Variants in PRP4K observed in about 807,000 individuals in gnomAD.
PRP4K encodes pre-mRNA processing factor kinase PRP4K.
At chr6:4,043,562 G>A in the PRP4K span, among the ~76,000 whole-genome samples, 3 of 152,116 alleles carry the variant, frequency 2.0e-5, no homozygotes, top group Non-Finnish European at 4.4e-5. Flanking sequence ...AATAAATGGT[G>A]CCTCATCTGA....
chr6:4,021,559 CGA>C, the PRP4K span: 2 of 1,514,248 alleles, frequency 1.3e-6, no homozygotes, highest in South Asian at 1.2e-5. Flanking sequence ...GGCCTAACGG[CGA>C]GAGTCAAACT....
At chr6:4,051,903 G>C in the PRP4K span, 1 of 1,162,932 alleles carries the variant, frequency 8.6e-7, no homozygotes, top group Non-Finnish European at 1.2e-6. Flanking sequence ...ATTATTTAGT[G>C]CTCCTAAATT....
the PRP4K span, chr6:4,021,340 A>C: frequency 1.3e-6 from 2 of 1,533,904 alleles, no homozygotes; most frequent in Non-Finnish European, 1.8e-6. Context: ...CATGCGCGGC[A>C]GCTCTTTTCC....
chr6:4,037,489 G>A, the PRP4K span: 1 of 1,614,058 alleles, frequency 6.2e-7, no homozygotes, highest in East Asian at 2.2e-5. Flanking sequence ...AGAAGAAGTA[G>A]ATCTCCCATT....
At chr6:4,027,301 C>T in the PRP4K span, among the ~76,000 whole-genome samples, 4 of 152,202 alleles carry the variant, frequency 2.6e-5, no homozygotes, top group South Asian at 8.3e-4. Flanking sequence ...GTGTGACAGC[C>T]TTTTATACTA....
At chr6:4,060,924 G>A in the PRP4K span, 3 of 302,128 alleles carry the variant, frequency 9.9e-6, no homozygotes, top group Non-Finnish European at 1.9e-5. This position sits in a 1 kb window ranked among gnomAD's most constrained non-coding sequence, Gnocchi z 4.7. Flanking sequence ...GTAATATTGG[G>A]TGGTTGATTT....
At chr6:4,045,799 T>C in the PRP4K span, among the ~76,000 whole-genome samples, 1 of 152,228 alleles carries the variant, frequency 6.6e-6, no homozygotes, top group East Asian at 1.9e-4. Context: ...CTCTGTCTTT[T>C]AAAATCATTT....
At chr6:4,041,866 A>G in the PRP4K span, among the ~76,000 whole-genome samples, 1 of 152,266 alleles carries the variant, frequency 6.6e-6, no homozygotes. Flanking sequence ...AGATTCTGAT[A>G]GAATCAGAGT....
chr6:4,044,143 C>T, the PRP4K span: 1 of 801,542 alleles, frequency 1.2e-6, no homozygotes, highest in East Asian at 2.7e-5. Flanking sequence ...GTTGCTTCTG[C>T]TGAATATTGC....
At chr6:4,056,445 T>A in the PRP4K span, 2 of 1,612,792 alleles carry the variant, frequency 1.2e-6, no homozygotes, top group Admixed American at 3.3e-5. Flanking sequence ...AGTAAGTTTC[T>A]TAATGTTCTT....
chr6:4,062,398 T>C, the PRP4K span: 1 of 152,664 alleles, frequency 6.6e-6, no homozygotes, highest in Non-Finnish European at 1.5e-5. The surrounding 1 kb of genome is among the most constrained non-coding windows in gnomAD (Gnocchi z 4.2). Context: ...ATTTGTATTA[T>C]TAACATGGTA....
At chr6:4,051,099 A>G in the PRP4K span, among the ~76,000 whole-genome samples, 1 of 151,886 alleles carries the variant, frequency 6.6e-6, no homozygotes, top group Admixed American at 6.6e-5. Context: ...CACTAGAGAC[A>G]GGGTTTCGCC....
At chr6:4,063,594 A>G in the PRP4K span, 2 of 152,144 alleles carry the variant, frequency 1.3e-5, no homozygotes, top group African/African-American at 4.8e-5. Context: ...TAGACAAAAT[A>G]TTCAGAGCCA....
At chr6:4,021,775 C>CAA in the PRP4K span, among the ~76,000 whole-genome samples, 2 of 152,352 alleles carry the variant, frequency 1.3e-5, no homozygotes, top group African/African-American at 4.8e-5. Context: ...GTCGCGCTTT[C>CAA]CTATGCCTCT....
At chr6:4,021,618 C>A in the PRP4K span, 1 of 1,130,278 alleles carries the variant, frequency 8.8e-7, no homozygotes, top group South Asian at 1.5e-5. Flanking sequence ...GCATGGGGAG[C>A]AGGCGGCCTT....
chr6:4,023,344 C>A, the PRP4K span, among the ~76,000 whole-genome samples: 2 of 152,266 alleles, frequency 1.3e-5, no homozygotes, highest in African/African-American at 2.4e-5. Flanking sequence ...GAGGTAGATA[C>A]GTTTATTTTC....
the PRP4K span, among the ~76,000 whole-genome samples, chr6:4,025,593 T>C: frequency 3.3e-5 from 5 of 152,210 alleles, no homozygotes; most frequent in Admixed American, 3.3e-4. Flanking sequence ...ATAATACTCA[T>C]TAATTTACAA....
At chr6:4,039,861 CTTTCTCT>C in the PRP4K span, among the ~76,000 whole-genome samples, 7 of 125,984 alleles carry the variant, frequency 5.6e-5, no homozygotes, top group East Asian at 1.3e-3. Context: ...CCCCTCCGAT[CTTTCTCT>C]TTTCTCTCTC....
At chr6:4,035,216 AAG>A in the PRP4K span, among the ~76,000 whole-genome samples, 1 of 148,458 alleles carries the variant, frequency 6.7e-6, no homozygotes. Context: ...TCCTGGGTTC[AAG>A]CAATTCTCCT....
Sources: gnomAD v4.1 joint callset for allele counts (sites outside exome capture counted in the v4.1 genomes callset) on GRCh38, gnomAD v4.1.1 for gene constraint, Gnocchi (gnomAD v3.1) non-coding constraint, MANE v1.5 for transcripts, NCBI Gene and HGNC (gene_info 2026-07-23, HGNC 2026-07-21) for gene names.